Variants in BTLA observed in about 807,000 individuals in gnomAD.
BTLA encodes B and T lymphocyte associated, also known as B- and T-lymphocyte attenuator.
BTLA carries 11 observed loss-of-function variants against 25.0 expected under a neutral mutation model. That is an observed-to-expected ratio of 0.44 (90% confidence interval 0.28 to 0.73). BTLA has a LOEUF of 0.73. Ranked by LOEUF, BTLA falls within the 30% of genes least tolerant of loss-of-function variation. The pLI is 0.15. For missense variants in BTLA, 282 were observed against 332.8 expected (o/e 0.85, Z 1.19); for synonymous variants, 104 against 119.8 (o/e 0.87, Z 0.86).
In BTLA at chr3:112,464,191, T is replaced by A. The variant is rs556648932; in HGVS notation, c.*1917A>T. The A allele has an allele frequency of 6.1e-4, 243 of 397,950 alleles. 1 individual carries two copies. Among genetic ancestry groups the A allele is most frequent in the African/African-American group, 4.4e-3 (215 of 48,712 alleles). The allele number at this position is 397,950 out of a possible 1,614,324, so 24.7% of individuals were successfully genotyped here. ...AATAAAAACATAAATGATTTGTGAT[T>A]TTGGCAAACAGTACAAATATATTAA... is the stretch of plus-strand genomic sequence containing the variant. On this transcript the variant is annotated 3_prime_UTR_variant, in exon 5 of 5. Coordinates refer to ENST00000334529, the MANE Select transcript of BTLA (RefSeq NM_181780.4).
At chr3:112,488,315 C>A (rs550249429) in intron 1 of BTLA, among the ~76,000 whole-genome samples, 15 of 150,812 alleles carry the variant, frequency 9.9e-5, no homozygotes, top group Non-Finnish European at 2.1e-4. Flanking sequence ...GCAAGCCTCC[C>A]GGGTTCACGC....
At position 112,466,153 on chromosome 3, in the gene BTLA, T is replaced by TAAG; in HGVS notation, c.824_825insCTT (p.Val275_Lys276insLeu). 1 of 1,610,124 alleles carries TAAG rather than the reference T, an allele frequency of 6.2e-7. No homozygotes were observed. Among genetic ancestry groups the TAAG allele is most frequent in the South Asian group, 1.1e-5 (1 of 90,668 alleles). On this transcript the variant is annotated inframe_insertion, in exon 5 of 5. Coordinates refer to ENST00000334529, the MANE Select transcript of BTLA (RefSeq NM_181780.4). ...ATGCATATTCTGTTGGTGCTTCTTTTACATTTCTTGCCAGTCTTGAGTTCG... is the reference window on the plus strand; with the variant it reads ...ATGCATATTCTGTTGGTGCTTCTTTTAAGACATTTCTTGCCAGTCTTGAGTTCG...
chr3:112,490,550 G>A (rs2082374077), intron 1 of BTLA, among the ~76,000 whole-genome samples: 1 of 151,010 alleles, frequency 6.6e-6, no homozygotes, highest in Admixed American at 6.6e-5. Flanking sequence ...TATTCTCTGT[G>A]GATATCACCT....
chr3:112,479,881 A>T, intron 1 of BTLA, 112 bp from the exon 2 acceptor site: 1 of 793,792 alleles, frequency 1.3e-6, no homozygotes, highest in Non-Finnish European at 2.0e-6. Context: ...ACAACCCCCC[A>T]ATTTCTAGTA....
intron 1 of BTLA, among the ~76,000 whole-genome samples, chr3:112,484,405 C>T (rs9288953): frequency 0.28 from 42,632 of 152,132 alleles, 7,413 homozygotes; most frequent in East Asian, 0.53. Context: ...AATGCTAACA[C>T]ATTGAGCGAA....
rs529792717 is a variant in BTLA at position 112,493,470 on chromosome 3, C to T, written c.88+5801G>A. Among the ~76,000 whole-genome samples, 24 of 152,086 alleles carry T rather than the reference C, an allele frequency of 1.6e-4. No homozygotes were observed. The South Asian group carries it at 1.7e-3, about 11-fold the overall frequency. On this transcript the variant is annotated intron_variant, in intron 1 of 4. Transcript: ENST00000334529. ...AGTTTACAAGAAAAAAACAAACAAC[C>T]GCATCAAAAAGTGGGCAAAGGATAT...
chr3:112,490,574 A>T (rs1175343049), intron 1 of BTLA, among the ~76,000 whole-genome samples: 2 of 150,094 alleles, frequency 1.3e-5, no homozygotes, highest in African/African-American at 4.9e-5. Flanking sequence ...ATTGCTCTTT[A>T]GACAAGAAGA....
In BTLA at chr3:112,466,085, C is replaced by T. The variant is rs770019001; in HGVS notation, c.*23G>A. The T allele has an allele frequency of 1.9e-6, 3 of 1,546,784 alleles. No homozygotes were observed. The highest frequency in any genetic ancestry group is 2.3e-5 in the East Asian group (1 of 43,680). ...GTCAACATGCTGATCATTCAATGGT[C>T]CCTGTTGGAGTCAGAAACAGACTTA... On this transcript the variant is annotated 3_prime_UTR_variant, in exon 5 of 5. Coordinates refer to ENST00000334529, the MANE Select transcript of BTLA (RefSeq NM_181780.4).
intron 1 of BTLA, among the ~76,000 whole-genome samples, chr3:112,499,049 C>T (rs565525957): frequency 7.1e-4 from 108 of 152,254 alleles, no homozygotes; most frequent in African/African-American, 2.5e-3. Context: ...AGAAAGTCAG[C>T]CAAGCTATTG....
chr3:112,466,399 A>G lies in BTLA; in HGVS notation c.595-16T>C. ...GAGCATCAACCTACAATAGAAAAAA[A>G]GATGGTTTTAAGTGACACTTACGGC... On this transcript the variant is annotated splice_polypyrimidine_tract_variant and intron_variant, in intron 4 of 4. Transcript: ENST00000334529. 1 of 1,547,862 alleles carries G rather than the reference A, an allele frequency of 6.5e-7. No homozygotes were observed. Among genetic ancestry groups the G allele is most frequent in the Non-Finnish European group, 8.7e-7 (1 of 1,145,414 alleles).
intron 1 of BTLA, among the ~76,000 whole-genome samples, chr3:112,485,747 C>T (rs2082343476): frequency 6.6e-6 from 1 of 152,106 alleles, no homozygotes; most frequent in Non-Finnish European, 1.5e-5. Flanking sequence ...CTGTTTTTCT[C>T]AAGCATTCAT....
At chr3:112,480,779 C>G (rs2082313941) in intron 1 of BTLA, among the ~76,000 whole-genome samples, 1 of 152,202 alleles carries the variant, frequency 6.6e-6, no homozygotes, top group Non-Finnish European at 1.5e-5. Context: ...AGGGGGCATT[C>G]AAACCATAGC....
At chr3:112,482,026 C>T (rs1407202365) in intron 1 of BTLA, among the ~76,000 whole-genome samples, 1 of 152,244 alleles carries the variant, frequency 6.6e-6, no homozygotes, top group Non-Finnish European at 1.5e-5. Flanking sequence ...ATGGCCTTTA[C>T]TCCAGTTTCC....
intron 1 of BTLA, among the ~76,000 whole-genome samples, chr3:112,495,382 C>A (rs541446458): frequency 1.8e-4 from 27 of 152,246 alleles, no homozygotes; most frequent in African/African-American, 6.3e-4. Flanking sequence ...ATGAAACTCA[C>A]AAATAATGGA....
In BTLA at chr3:112,499,348, A is replaced by G; in HGVS notation, c.11T>C (p.Leu4Ser). The G allele has an allele frequency of 6.2e-7, 1 of 1,613,740 alleles. No individual in the cohort carries two copies. Among genetic ancestry groups the G allele is most frequent in the Non-Finnish European group, 8.5e-7 (1 of 1,179,832 alleles). MKT[L>S]PAMLGTGKLF... The stretch of plus-strand genomic sequence containing the variant: ...TTTCCCAGTTCCAAGCATGGCAGGC[A>G]ATGTCTTCATTTCCTGCACATATCA... Residue 4 changes from leucine to serine, a missense_variant, in exon 1 of 5, where the codon TTG (leucine) becomes TCG (serine). By Grantham distance (145) the Leu-to-Ser change is moderately radical. Coordinates refer to ENST00000334529, the MANE Select transcript of BTLA (RefSeq NM_181780.4).
In BTLA at chr3:112,466,044, G is replaced by A. The variant is rs1458048762; in HGVS notation, c.*64C>T. 1.4e-6 allele frequency: 2 copies of A among 1,435,886 alleles called. No homozygotes were observed. The allele number at this position is 1,435,886 out of a possible 1,614,324, so 88.9% of individuals were successfully genotyped here. On this transcript the variant is annotated 3_prime_UTR_variant, in exon 5 of 5. Coordinates refer to ENST00000334529, the MANE Select transcript of BTLA (RefSeq NM_181780.4). ...GAGAAATATTATTTGACATCCTGTTGAGCCCAGACAATGATGTCAACATGC... is the reference window on the plus strand; with the variant it reads ...GAGAAATATTATTTGACATCCTGTTAAGCCCAGACAATGATGTCAACATGC...
chr3:112,495,885 C>T (rs2082406516), intron 1 of BTLA, among the ~76,000 whole-genome samples: 2 of 152,106 alleles, frequency 1.3e-5, no homozygotes, highest in African/African-American at 2.4e-5. Context: ...ACTGGACCAT[C>T]ATAATAAAGG....
chr3:112,487,493 G>A (rs1433473044), intron 1 of BTLA, among the ~76,000 whole-genome samples: 1 of 152,066 alleles, frequency 6.6e-6, no homozygotes, highest in Admixed American at 6.5e-5. Context: ...GCTGAGGCAG[G>A]AGAATAGCTT....
intron 2 of BTLA, among the ~76,000 whole-genome samples, chr3:112,472,867 G>A (rs2082270348): frequency 6.6e-6 from 1 of 152,004 alleles, no homozygotes; most frequent in Admixed American, 6.6e-5. Flanking sequence ...AGGTTAGCGA[G>A]CAGCCAAACC....
Sources: gnomAD v4.1 joint callset for allele counts (sites outside exome capture counted in the v4.1 genomes callset) on GRCh38, gnomAD v4.1.1 for gene constraint, MANE v1.5 for transcripts, NCBI Gene and HGNC (gene_info 2026-07-23, HGNC 2026-07-21) for gene names.